JARID2: variants seen among roughly 807,000 people sequenced by gnomAD.
JARID2 encodes the protein protein Jumonji.
Under a neutral mutation model 125.6 loss-of-function variants are expected in JARID2, and 21 were observed. The observed-to-expected ratio is 0.17, with a 90% CI of 0.12 to 0.24. The LOEUF (loss-of-function observed/expected upper bound fraction) is 0.24, where lower values mean the gene tolerates loss of function less well. Among genes scored for constraint, JARID2 ranks in the 10% least tolerant of loss-of-function variants. The pLI, the probability that JARID2 is intolerant of heterozygous loss-of-function variation, is 1.00. For missense variants in JARID2, 1,303 were observed against 1,639.6 expected (o/e 0.79, Z 3.55); for synonymous variants, 736 against 661.6 (o/e 1.11, Z -1.73).
intron 1 of JARID2, among the ~76,000 whole-genome samples, chr6:15,313,134 A>G (rs571932482): frequency 3.9e-4 from 60 of 152,236 alleles, no homozygotes; most frequent in Non-Finnish European, 6.9e-4. Flanking sequence ...AGCTTTTTTT[A>G]CATTACACCT....
At chr6:15,254,149 C>T (rs941621488) in intron 1 of JARID2, among the ~76,000 whole-genome samples, 1 of 152,168 alleles carries the variant, frequency 6.6e-6, no homozygotes, top group South Asian at 2.1e-4. Flanking sequence ...GGAGCTACCC[C>T]CTTATACCCA....
intron 3 of JARID2, among the ~76,000 whole-genome samples, chr6:15,420,729 T>C (rs61296041): frequency 0.12 from 18,441 of 152,256 alleles, 1,211 homozygotes; most frequent in Middle Eastern, 0.15. Context: ...GGGAACAGTT[T>C]GATCTGTTTG....
chr6:15,519,989 C>T, intron 17 of JARID2, 80 bp from the exon 18 acceptor site: 2 of 1,253,554 alleles, frequency 1.6e-6, no homozygotes, highest in East Asian at 5.3e-5. Flanking sequence ...CTGCCCTAAA[C>T]TTGCCCCTGC....
chr6:15,293,346 T>A (rs1310946093), intron 1 of JARID2, among the ~76,000 whole-genome samples: 1 of 152,148 alleles, frequency 6.6e-6, no homozygotes, highest in Non-Finnish European at 1.5e-5. Context: ...ATCCAGGAAG[T>A]GGAGCTTGCG....
chr6:15,319,080 G>T lies in JARID2; in HGVS notation c.46-55037G>T, dbSNP rs1004700318. 5.9e-5 allele frequency among the ~76,000 whole-genome samples: 9 copies of T among 152,360 alleles called. No homozygotes were observed. In the East Asian group the frequency reaches 1.7e-3, roughly 29 times the overall value. On this transcript the variant is annotated intron_variant, in intron 1 of 17. Coordinates refer to ENST00000341776, the MANE Select transcript of JARID2 (RefSeq NM_004973.4). ...TGGGCCTTTTGTATTTACATAGAAA[G>T]TAAGTAGGGTGGCTAGCTTTTATGG...
At chr6:15,356,608 T>C (rs1254327191) in intron 1 of JARID2, among the ~76,000 whole-genome samples, 1 of 152,222 alleles carries the variant, frequency 6.6e-6, no homozygotes, top group Non-Finnish European at 1.5e-5. Flanking sequence ...AAATGTATTA[T>C]AGTTTTATTA....
chr6:15,469,318 GTCTCTC>G (rs1212844795), intron 5 of JARID2, among the ~76,000 whole-genome samples: 13 of 48,574 alleles, frequency 2.7e-4, no homozygotes, highest in African/African-American at 8.0e-4. Context: ...CTCTCTCTCT[GTCTCTC>G]TCTCTCTCTC....
chr6:15,309,037 T>C (rs1404329527), intron 1 of JARID2, among the ~76,000 whole-genome samples: 1 of 152,222 alleles, frequency 6.6e-6, no homozygotes, highest in Non-Finnish European at 1.5e-5. Context: ...CAGGATTACT[T>C]CCTGTCTCAG....
At chr6:15,312,289 G>A (rs1335956275) in intron 1 of JARID2, among the ~76,000 whole-genome samples, 2 of 152,086 alleles carry the variant, frequency 1.3e-5, no homozygotes, top group East Asian at 1.9e-4. Context: ...TCCTGACCTC[G>A]TGATCCACCC....
chr6:15,481,903 T>TTAATTTCACCTGCCTCCCTC (rs1202820786), intron 5 of JARID2, among the ~76,000 whole-genome samples: 1 of 152,214 alleles, frequency 6.6e-6, no homozygotes, highest in African/African-American at 2.4e-5. Context: ...GTTCACTATG[T>TTAATTTCACCTGCCTCCCTC]TAATTTCACC....
At chr6:15,264,829 G>T (rs1390878214) in intron 1 of JARID2, among the ~76,000 whole-genome samples, 1 of 152,164 alleles carries the variant, frequency 6.6e-6, no homozygotes, top group African/African-American at 2.4e-5. Flanking sequence ...GCTTATTAGA[G>T]CTAATTTTAA....
At chr6:15,335,300 G>T (rs951850405) in intron 1 of JARID2, among the ~76,000 whole-genome samples, 3 of 151,912 alleles carry the variant, frequency 2.0e-5, no homozygotes, top group Non-Finnish European at 4.4e-5. Flanking sequence ...GGGTTTCACC[G>T]TGTTGGCCAG....
chr6:15,257,682 T>C (rs1454502971), intron 1 of JARID2, among the ~76,000 whole-genome samples: 1 of 152,236 alleles, frequency 6.6e-6, no homozygotes, highest in Non-Finnish European at 1.5e-5. Context: ...CCTAGTACAT[T>C]GCTTTCTTGG....
chr6:15,270,402 G>C (rs1317344101), intron 1 of JARID2, among the ~76,000 whole-genome samples: 1 of 152,172 alleles, frequency 6.6e-6, no homozygotes, highest in East Asian at 1.9e-4. Flanking sequence ...AAAGTGCTGG[G>C]ATTACAGGCA....
chr6:15,391,960 T>A (rs765153781), intron 2 of JARID2, among the ~76,000 whole-genome samples: 2 of 152,132 alleles, frequency 1.3e-5, no homozygotes, highest in Non-Finnish European at 2.9e-5. Context: ...ATGAGAAGTA[T>A]TCTGGAGGAA....
rs866065067 is a variant in JARID2, at chr6:15,413,014, T to G, written c.323+2649T>G. Among the ~76,000 whole-genome samples the G allele has an allele frequency of 3.8e-3, 402 of 105,898 alleles. 13 individuals are homozygous for G. The highest frequency in any genetic ancestry group is 5.1e-3 in the Non-Finnish European group (255 of 49,800). The allele number at this position is 105,898 out of a possible 152,430, so 69.5% of individuals were successfully genotyped here. A position where few individuals can be genotyped will look rare whatever the true frequency, so the allele number is the denominator to read the frequency against. On this transcript the variant is annotated intron_variant, in intron 3 of 17. Coordinates refer to ENST00000341776, the MANE Select transcript of JARID2 (RefSeq NM_004973.4). Reference sequence around the variant, plus strand: ...GGGAAGAGCTTGTGTTTTTGTTTTTTTTTTTTTTGTTTTTTTTTTTTTGAG... The same window carrying G: ...GGGAAGAGCTTGTGTTTTTGTTTTTGTTTTTTTTGTTTTTTTTTTTTTGAG...
At chr6:15,452,896 TC>T (rs1767985407) in intron 4 of JARID2, among the ~76,000 whole-genome samples, 1 of 152,206 alleles carries the variant, frequency 6.6e-6, no homozygotes, top group South Asian at 2.1e-4. Context: ...TGCAGAGAGT[TC>T]CTTGGGTGAG....
chr6:15,371,028 GTGTTT>G (rs1219496579), intron 1 of JARID2, among the ~76,000 whole-genome samples: 2 of 152,236 alleles, frequency 1.3e-5, no homozygotes, highest in African/African-American at 2.4e-5. Flanking sequence ...TGTGTTGTGT[GTGTTT>G]TAAGTTTGAA....
intron 1 of JARID2, among the ~76,000 whole-genome samples, chr6:15,300,718 T>TGAGAGAGAGA (rs1369406317): frequency 5.0e-5 from 7 of 140,520 alleles, no homozygotes; most frequent in Non-Finnish European, 9.2e-5. Flanking sequence ...TGTGTGTGTG[T>TGAGAGAGAGA]GTGTGAGAGA....
Sources: gnomAD v4.1 joint callset for allele counts (sites outside exome capture counted in the v4.1 genomes callset) on GRCh38, gnomAD v4.1.1 for gene constraint, MANE v1.5 for transcripts, NCBI Gene and HGNC (gene_info 2026-07-23, HGNC 2026-07-21) for gene names.